Variants in PCDHAC2 observed in about 807,000 individuals in gnomAD.
PCDHAC2 encodes protocadherin alpha-C2.
In PCDHAC2, 24 loss-of-function variants were observed where a neutral mutation model predicts 63.3. The ratio of observed to expected loss-of-function variants is 0.38; its 90% CI spans 0.27 to 0.53. The LOEUF is 0.53. Ranked by LOEUF, PCDHAC2 falls within the 20% of genes least tolerant of loss-of-function variation. The pLI, the probability that PCDHAC2 is intolerant of heterozygous loss-of-function variation, is 0.81. For missense variants in PCDHAC2, 1,181 were observed against 1,275.2 expected (o/e 0.93, Z 1.12); for synonymous variants, 569 against 529.4 (o/e 1.07, Z -1.03).
chr5:141,001,567 T>A (rs116015618), intron 3 of PCDHAC2, among the ~76,000 whole-genome samples: 2 of 152,294 alleles, frequency 1.3e-5, no homozygotes, highest in African/African-American at 4.8e-5. Context: ...ACGATTCTCC[T>A]GTGTTTTGTG....
In PCDHAC2 at chr5:140,966,892, C is replaced by G. The variant is rs782364150; in HGVS notation, c.126C>G (p.Ser42=). The change falls in exon 1 of 4, where the codon TCC becomes TCG. Residue 42 remains serine, a synonymous_variant. Transcript: ENST00000289269. The part of the protein sequence containing the change: ...LLLLLPGPAA[S]QLRYSVPEEQ... ...TGCTGCTACCTGGCCCTGCGGCCTC[C>G]CAGCTGCGATACTCTGTGCCAGAGG... 4 of 1,595,414 alleles carry G rather than the reference C, an allele frequency of 2.5e-6. No individual in the cohort carries two copies. The highest frequency in any genetic ancestry group is 1.1e-5 in the South Asian group (1 of 89,672).
intron 1 of PCDHAC2, among the ~76,000 whole-genome samples, chr5:140,976,378 C>T (rs908008970): frequency 6.6e-6 from 1 of 151,926 alleles, no homozygotes; most frequent in Admixed American, 6.6e-5. Context: ...TGGTGAAACC[C>T]CATCTCTACT....
At position 140,990,539 on chromosome 5, in the gene PCDHAC2, A is replaced by G. The variant is rs2097398985; in HGVS notation, c.2713+7976A>G. ...TGTCTTTTTTGACTGTGCATCATAG[A>G]TACTGTATTACCCAAGAACACACAC... is the stretch of plus-strand genomic sequence containing the variant. On this transcript the variant is annotated intron_variant, in intron 3 of 3. Transcript: ENST00000289269. Among the ~76,000 whole-genome samples the G allele has an allele frequency of 2.6e-5, 4 of 152,262 alleles. No homozygotes were observed. In the South Asian group the frequency reaches 6.2e-4, roughly 24 times the overall value.
intron 3 of PCDHAC2, among the ~76,000 whole-genome samples, chr5:141,000,396 T>TCTATAA (rs2097916207): frequency 7.7e-5 from 5 of 65,332 alleles, no homozygotes; most frequent in African/African-American, 3.1e-4. Context: ...TCTCTCTCTC[T>TCTATAA]ATATATATAT....
chr5:141,006,567 C>T (rs2098278386), intron 3 of PCDHAC2, among the ~76,000 whole-genome samples: 1 of 152,030 alleles, frequency 6.6e-6, no homozygotes, highest in Admixed American at 6.6e-5. Flanking sequence ...ACTCTGGCTA[C>T]TGTGTGGAGG....
intron 1 of PCDHAC2, among the ~76,000 whole-genome samples, chr5:140,977,966 G>A (rs562447024): frequency 3.9e-5 from 6 of 152,004 alleles, no homozygotes; most frequent in South Asian, 4.2e-4. Context: ...CTCAATCTCC[G>A]CCCATGAAAA....
chr5:141,005,339 T>C (rs920058303), intron 3 of PCDHAC2, among the ~76,000 whole-genome samples: 5 of 151,926 alleles, frequency 3.3e-5, no homozygotes, highest in African/African-American at 9.7e-5. Context: ...GCCAAGGGGG[T>C]GCTGCTTGGC....
In PCDHAC2 at chr5:140,968,903, A is replaced by G; in HGVS notation, c.2137A>G (p.Ser713Gly). Residue 713 changes from serine to glycine, a missense_variant, in exon 1 of 4, where the codon AGC (serine) becomes GGC (glycine). By Grantham distance (56) the Ser-to-Gly change is moderately conservative. Around this residue, in one of 3 missense-constraint regions of PCDHAC2, gnomAD observed 968 missense variants for 1,073.5 expected, o/e 0.90. Coordinates refer to ENST00000289269, the MANE Select transcript of PCDHAC2 (RefSeq NM_018899.6). ...EITLYLIIAL[S>G]TVSFIFLLTI... ...TACCCTTTATCTAATAATAGCATTA[A>G]GCACAGTGTCTTTTATATTTCTTTT... 1 of 1,614,216 alleles carries G rather than the reference A, an allele frequency of 6.2e-7. No individual in the cohort carries two copies. Among genetic ancestry groups the G allele is most frequent in the Non-Finnish European group, 8.5e-7 (1 of 1,180,040 alleles).
chr5:140,983,399 G>C (rs1486206101), intron 3 of PCDHAC2, among the ~76,000 whole-genome samples: 1 of 152,148 alleles, frequency 6.6e-6, no homozygotes, highest in East Asian at 1.9e-4. Context: ...TTTCAGAAAG[G>C]GAAGATTAAG....
At position 140,982,527 on chromosome 5, in the gene PCDHAC2, G is replaced by A. The variant is rs2096986081; in HGVS notation, c.2677G>A (p.Asp893Asn). ...TCTACGGGCTGGTCCAGGAGGGCCT[G>A]ATCAGCAGTGGCCAACAGTATCCAG... is the stretch of plus-strand genomic sequence containing the variant. ...GILRAGPGGP[D>N]QQWPTVSSAT... is the part of the protein sequence containing the mutation. Residue 893 changes from aspartate to asparagine, a missense_variant, in exon 3 of 4, where the codon GAT becomes AAT. By Grantham distance (23) the Asp-to-Asn change is conservative. This residue lies in a region of PCDHAC2 where 968 missense variants were observed against 1,073.5 expected (regional missense o/e 0.90). Coordinates refer to ENST00000289269, the MANE Select transcript of PCDHAC2 (RefSeq NM_018899.6). 1 of 1,614,218 alleles carries A rather than the reference G, an allele frequency of 6.2e-7. No individual in the cohort carries two copies. Among genetic ancestry groups the A allele is most frequent in the Admixed American group, 1.7e-5 (1 of 60,034 alleles).
At chr5:140,980,835 T>A (rs2096907301) in intron 2 of PCDHAC2, among the ~76,000 whole-genome samples, 1 of 152,220 alleles carries the variant, frequency 6.6e-6, no homozygotes, top group South Asian at 2.1e-4. Flanking sequence ...GTTGTGAACC[T>A]AAATAATACT....
chr5:141,002,039 C>G (rs1198304632), intron 3 of PCDHAC2, among the ~76,000 whole-genome samples: 1 of 152,216 alleles, frequency 6.6e-6, no homozygotes, highest in Non-Finnish European at 1.5e-5. Flanking sequence ...TGACTCTTTC[C>G]TGGGCATCCA....
chr5:140,986,371 G>A (rs1453761888), intron 3 of PCDHAC2, among the ~76,000 whole-genome samples: 1 of 152,116 alleles, frequency 6.6e-6, no homozygotes, highest in African/African-American at 2.4e-5. Context: ...AATGCGTTTT[G>A]GGGGGAGGGA....
rs1463208532 is a variant in PCDHAC2 at position 140,966,824 on chromosome 5, A to G, written c.58A>G (p.Met20Val). 2 of 1,559,876 alleles carry G rather than the reference A, an allele frequency of 1.3e-6. No homozygotes were observed. Among genetic ancestry groups the G allele is most frequent in the Admixed American group, 1.9e-5 (1 of 53,386 alleles). Residue 20 changes from methionine to valine, a missense_variant, in exon 1 of 4, where the codon ATG (methionine) becomes GTG (valine). Met to Val is a conservative substitution (Grantham distance 21, BLOSUM62 1). Coordinates refer to ENST00000289269, the MANE Select transcript of PCDHAC2 (RefSeq NM_018899.6). ...ATEHPRLRRP[M>V]PWLLLLPLLL... ...AGAGCATCCACGGCTCCGGCGGCCC[A>G]TGCCCTGGCTGCTGCTACTGCCTCT...
At position 140,969,058 on chromosome 5, in the gene PCDHAC2, T is replaced by C; in HGVS notation, c.2292T>C (p.Ile764=). The C allele has an allele frequency of 6.2e-7, 1 of 1,614,166 alleles. No individual in the cohort carries two copies. The change falls in exon 1 of 4, where the codon ATT becomes ATC. Residue 764 remains isoleucine (I), a synonymous_variant. Transcript: ENST00000289269. ...TGTACAAACAAGCCAACAACAATAT[T>C]GATGCCAGGATACCGCATGGCCTCA... The part of the protein sequence containing the change: ...AELYKQANNN[I]DARIPHGLKV...
chr5:141,009,544 C>A (rs1236431515), intron 3 of PCDHAC2, 83 bp from the exon 4 acceptor site: 1 of 1,534,390 alleles, frequency 6.5e-7, no homozygotes. Context: ...CCTGCCTATG[C>A]AGTACTCCTG....
chr5:140,984,550 A>C (rs1486017679), intron 3 of PCDHAC2, among the ~76,000 whole-genome samples: 1 of 152,134 alleles, frequency 6.6e-6, no homozygotes, highest in Non-Finnish European at 1.5e-5. Flanking sequence ...GATAGAGCTT[A>C]CATCTTCCAA....
At chr5:140,974,614 C>T (rs757071183) in intron 1 of PCDHAC2, among the ~76,000 whole-genome samples, 3 of 152,070 alleles carry the variant, frequency 2.0e-5, no homozygotes, top group East Asian at 1.9e-4. Context: ...AGGGTTCAAG[C>T]GATTCTCCTG....
At position 140,966,476 on chromosome 5, in the gene PCDHAC2, C is replaced by G; in HGVS notation, c.-291C>G. The G allele has an allele frequency of 2.3e-6, 1 of 432,972 alleles. No homozygotes were observed. The highest frequency in any genetic ancestry group is 4.0e-6 in the Non-Finnish European group (1 of 249,670). 26.8% of individuals were successfully genotyped at this position (432,972 alleles called of 1,614,324 possible). A position where few individuals can be genotyped will look rare whatever the true frequency, so the allele number is the denominator to read the frequency against. On this transcript the variant is annotated 5_prime_UTR_variant, in exon 1 of 4. Transcript: ENST00000289269. ...CCCCCTCTGTCTTCCCTTCTGTTTC[C>G]TTTTCCCTCCCCCTGGAGCTGTAGC...
Sources: gnomAD v4.1 joint callset for allele counts (sites outside exome capture counted in the v4.1 genomes callset) on GRCh38, gnomAD v4.1.1 for gene constraint, gnomAD v4.1.1 regional missense constraint, MANE v1.5 for transcripts, NCBI Gene and HGNC (gene_info 2026-07-23, HGNC 2026-07-21) for gene names.